The following CCDC18 variants were observed in gnomAD, a reference collection of about 807,000 sequenced individuals.
CCDC18 encodes coiled-coil domain containing 18.
In CCDC18, 157 loss-of-function variants were observed where a neutral mutation model predicts 196.0. That is an observed-to-expected ratio of 0.80 (90% CI 0.70 to 0.91). The LOEUF is 0.91. Ranked by LOEUF, CCDC18 falls within the 40% of genes least tolerant of loss-of-function variation. The pLI, the probability that CCDC18 is intolerant of heterozygous loss-of-function variation, is 0.00. For missense variants in CCDC18, 1,465 were observed against 1,611.6 expected (o/e 0.91, Z 1.56); for synonymous variants, 482 against 529.2 (o/e 0.91, Z 1.22).
chr1:93,197,753 T>TC (rs1403553172), intron 6 of CCDC18, among the ~76,000 whole-genome samples: 1 of 133,846 alleles, frequency 7.5e-6, no homozygotes, highest in East Asian at 2.2e-4. Flanking sequence ...TTCTTTTTTT[T>TC]TTTTTTTTTT....
chr1:93,203,126 G>A (rs922216591), intron 7 of CCDC18, among the ~76,000 whole-genome samples: 4 of 152,184 alleles, frequency 2.6e-5, no homozygotes, highest in African/African-American at 9.6e-5. Flanking sequence ...AGATATTGAA[G>A]ATGAAGGAGC....
At chr1:93,222,353 C>T (rs552864854) in intron 16 of CCDC18, among the ~76,000 whole-genome samples, 1 of 151,816 alleles carries the variant, frequency 6.6e-6, no homozygotes, top group African/African-American at 2.4e-5. Flanking sequence ...TGTCTTAAAA[C>T]AGTTTTTATA....
chr1:93,268,030 A>G (rs1419366814), intron 27 of CCDC18, among the ~76,000 whole-genome samples: 2 of 151,100 alleles, frequency 1.3e-5, no homozygotes, highest in East Asian at 3.9e-4. Flanking sequence ...CTTCCTGACT[A>G]CAGGGCTACA....
intron 27 of CCDC18, among the ~76,000 whole-genome samples, chr1:93,265,895 A>G (rs1476240079): frequency 1.3e-5 from 2 of 149,502 alleles, no homozygotes; most frequent in Non-Finnish European, 3.0e-5. Context: ...CGAGACAGAA[A>G]ATCAACAAGG....
At chr1:93,227,525 A>C (rs954151673) in intron 17 of CCDC18, among the ~76,000 whole-genome samples, 1 of 151,854 alleles carries the variant, frequency 6.6e-6, no homozygotes, top group African/African-American at 2.4e-5. Flanking sequence ...GTAGCACTTT[A>C]CTTTGGTTAG....
chr1:93,226,311 T>C, intron 16 of CCDC18, 22 bp from the exon 17 acceptor site: 1 of 920,162 alleles, frequency 1.1e-6, no homozygotes, highest in Non-Finnish European at 1.6e-6. Context: ...TTTTTTTTTT[T>C]TTTGCTTTTT....
In CCDC18 at chr1:93,226,347, T is replaced by C. The variant is rs770205078; in HGVS notation, c.2190T>C (p.Asp730=). 24 of 1,540,582 alleles carry C rather than the reference T, an allele frequency of 1.6e-5. No homozygotes were observed. The South Asian group carries it at 2.8e-4, about 18-fold the overall frequency. ...TTCCTGCTTAGGTTAGGCAACTAGA[T>C]TCAGCATTGGAAATTTGTAAGGAAG... The part of the protein sequence containing the change: ...SEETIKVRQL[D]SALEICKEEL... The change falls in exon 17 of 29, where the codon GAT becomes GAC. Residue 730 remains aspartate (D), a synonymous_variant. Transcript: ENST00000690025.
intron 25 of CCDC18, 104 bp downstream of exon 25, chr1:93,256,642 C>A: frequency 3.3e-6 from 3 of 901,000 alleles, no homozygotes; most frequent in Non-Finnish European, 5.2e-6. Context: ...CTGTATTGCA[C>A]AACAGTGTGA....
At chr1:93,261,603 C>G (rs1322876049) in intron 26 of CCDC18, among the ~76,000 whole-genome samples, 1 of 151,942 alleles carries the variant, frequency 6.6e-6, no homozygotes, top group African/African-American at 2.4e-5. Flanking sequence ...GACATGGTCC[C>G]CACAAGCCCC....
At chr1:93,244,326 G>T (rs1661212173) in intron 21 of CCDC18, among the ~76,000 whole-genome samples, 1 of 152,190 alleles carries the variant, frequency 6.6e-6, no homozygotes. Context: ...TTCAAGATCA[G>T]ATTTGGGTGG....
At chr1:93,226,224 T>G (rs1009270433) in intron 16 of CCDC18, 109 bp from the exon 17 acceptor site, 2 of 563,358 alleles carry the variant, frequency 3.6e-6, no homozygotes, top group Admixed American at 6.1e-5. Context: ...TAAGTAGGAC[T>G]GTATATTCAC....
chr1:93,243,318 T>C (rs998042401), intron 21 of CCDC18, among the ~76,000 whole-genome samples: 7 of 152,276 alleles, frequency 4.6e-5, no homozygotes, highest in African/African-American at 1.2e-4. Context: ...TTGCACCCTC[T>C]GAAGCCACGG....
intron 21 of CCDC18, among the ~76,000 whole-genome samples, chr1:93,244,284 C>T (rs1218972820): frequency 6.6e-6 from 1 of 152,162 alleles, no homozygotes; most frequent in East Asian, 1.9e-4. Context: ...GATTCAATTA[C>T]CTCCCACTGG....
At chr1:93,192,753 A>G (rs989731584) in intron 5 of CCDC18, among the ~76,000 whole-genome samples, 4 of 152,226 alleles carry the variant, frequency 2.6e-5, no homozygotes, top group Admixed American at 2.6e-4. Flanking sequence ...GCACTTTATA[A>G]TTTATTCTCT....
At chr1:93,247,478 G>C (rs1417872011) in intron 23 of CCDC18, among the ~76,000 whole-genome samples, 2 of 152,058 alleles carry the variant, frequency 1.3e-5, no homozygotes, top group African/African-American at 4.8e-5. Context: ...GCAGTGTCAT[G>C]ATCATAGCTC....
intron 3 of CCDC18, among the ~76,000 whole-genome samples, chr1:93,184,768 A>G (rs556797675): frequency 6.6e-6 from 1 of 151,946 alleles, no homozygotes; most frequent in South Asian, 2.1e-4. Context: ...CTTTTTGGAT[A>G]TGTATTTGCT....
chr1:93,249,011 A>G (rs1405040828), intron 23 of CCDC18, among the ~76,000 whole-genome samples: 4 of 151,102 alleles, frequency 2.6e-5, no homozygotes, highest in African/African-American at 7.3e-5. Context: ...CTCCTCTTCA[A>G]TTTTTTGAAA....
intron 22 of CCDC18, among the ~76,000 whole-genome samples, chr1:93,246,455 A>C (rs1172009797): frequency 6.6e-6 from 1 of 152,138 alleles, no homozygotes; most frequent in African/African-American, 2.4e-5. Flanking sequence ...GTATCAGAAG[A>C]AGCTAAGTGT....
chr1:93,190,698 C>T, intron 4 of CCDC18: 3 of 330,934 alleles, frequency 9.1e-6, no homozygotes, highest in South Asian at 9.0e-5. Flanking sequence ...TTAACATAAA[C>T]TCAAGATTTT....
Sources: gnomAD v4.1 joint callset for allele counts (sites outside exome capture counted in the v4.1 genomes callset) on GRCh38, gnomAD v4.1.1 for gene constraint, MANE v1.5 for transcripts, NCBI Gene and HGNC (gene_info 2026-07-23, HGNC 2026-07-21) for gene names.